Variants in ARL10 observed in about 807,000 individuals in gnomAD.
ARL10 encodes the protein ADP-ribosylation factor-like protein 10.
ARL10 carries 23 observed loss-of-function variants against 26.1 expected under a neutral mutation model. The ratio of observed to expected loss-of-function variants is 0.88; its 90% CI spans 0.63 to 1.25. The LOEUF (loss-of-function observed/expected upper bound fraction) is 1.25. Ranked by LOEUF, ARL10 falls within the 50% of genes most tolerant of loss-of-function variation. ARL10 has a pLI of 0.00. For missense variants in ARL10, 300 were observed against 323.6 expected, an observed-to-expected ratio of 0.93 and a Z score of 0.56; for synonymous variants, 138 against 149.1, an observed-to-expected ratio of 0.93 and a Z score of 0.54.
intron 2 of ARL10, 133 bp downstream of exon 2, chr5:176,366,714 C>T (rs3815898): frequency 0.75 from 823,904 of 1,103,328 alleles, 308,831 homozygotes; most frequent in Middle Eastern, 0.84. Flanking sequence ...CACCGCTCTC[C>T]GGGGCACAGG....
chr5:176,382,777 C>G (rs1755583881), downstream of ARL10, among the ~76,000 whole-genome samples: 1 of 152,168 alleles, frequency 6.6e-6, no homozygotes, highest in Non-Finnish European at 1.5e-5. Flanking sequence ...CTACAAGACA[C>G]ACATGGCCTA....
intron 1 of ARL10, chr5:176,396,428 T>C (rs552862988): frequency 6.8e-7 from 1 of 1,463,454 alleles, no homozygotes; most frequent in African/African-American, 1.4e-5. Context: ...GAAACTGTGG[T>C]GGCCATTCCC....
Position 176,368,650 on chromosome 5 carries a change from C to A in ARL10, c.386-157C>A, listed in dbSNP as rs67175907. Among the ~76,000 whole-genome samples, 16,524 of 147,462 alleles carry A rather than the reference C, an allele frequency of 0.11. 1,092 individuals carry two copies. Among genetic ancestry groups the A allele is most frequent in the Admixed American group, 0.15 (2,220 of 14,628 alleles). On this transcript the variant is annotated intron_variant, in intron 2 of 3. Coordinates refer to ENST00000310389, the MANE Select transcript of ARL10 (RefSeq NM_173664.6). The surrounding 1 kb of genome is among the most constrained non-coding windows in gnomAD (Gnocchi z 4.1). Reference sequence around the variant, plus strand: ...CCCCGGCTGGTGGAAGCTCACTAAGCTAGAAGCAGGGTGGGGTGGGGGCTG... The same window carrying A: ...CCCCGGCTGGTGGAAGCTCACTAAGATAGAAGCAGGGTGGGGTGGGGGCTG...
chr5:176,383,444 GGCCATGCCATGTGTA>G, downstream of ARL10, among the ~76,000 whole-genome samples: 1 of 152,258 alleles, frequency 6.6e-6, no homozygotes, highest in Non-Finnish European at 1.5e-5. Context: ...CCCAAAGGAT[GGCCATGCCATGTGTA>G]GCCCACTGCT....
chr5:176,370,011 C>G (rs1283421919), intron 3 of ARL10, among the ~76,000 whole-genome samples: 1 of 151,700 alleles, frequency 6.6e-6, no homozygotes, highest in Non-Finnish European at 1.5e-5. Flanking sequence ...AAAGCTGTAC[C>G]TTTTCCACTC....
chr5:176,371,935 T>C lies in ARL10; in HGVS notation c.*40T>C, dbSNP rs1239795683. The stretch of plus-strand genomic sequence containing the variant: ...GCTTGCCACCTGCCTGTCAAGACCA[T>C]AGTTGTACTGCTGCTGCTTCATTGC... On this transcript the variant is annotated 3_prime_UTR_variant, in exon 4 of 4. Transcript: ENST00000310389. The C allele has an allele frequency of 1.3e-6, 2 of 1,599,084 alleles. No individual in the cohort carries two copies. Among genetic ancestry groups the C allele is most frequent in the East Asian group, 2.3e-5 (1 of 44,342 alleles).
chr5:176,395,400 C>T (rs961056528), intron 1 of ARL10, among the ~76,000 whole-genome samples: 1 of 152,178 alleles, frequency 6.6e-6, no homozygotes, highest in African/African-American at 2.4e-5. Context: ...TCTTACCAAT[C>T]TGGCACAAGG....
the ARL10 span, among the ~76,000 whole-genome samples, chr5:176,412,471 G>T: frequency 6.6e-6 from 1 of 152,188 alleles, no homozygotes; most frequent in Non-Finnish European, 1.5e-5. Flanking sequence ...AATGGAAGTT[G>T]AATTGTTGTT....
At chr5:176,406,073 G>A (rs1277906427), downstream of ARL10, 1 of 853,054 alleles carries the variant, frequency 1.2e-6, no homozygotes, top group Non-Finnish European at 1.4e-6. Context: ...GGGCTGCTCA[G>A]AACTTATTTT....
rs1755558865 is a variant in ARL10 at position 176,381,830 on chromosome 5, G to A, written c.*9935G>A. The stretch of plus-strand genomic sequence containing the variant: ...TTTTACCTAATGAAGATCTGTCTGA[G>A]TCTAATGAATATATTGTACAATTTT... On this transcript the variant is annotated 3_prime_UTR_variant, in exon 4 of 4. Transcript: ENST00000310389. 1 of 152,248 alleles carries A rather than the reference G, an allele frequency of 6.6e-6. No individual in the cohort carries two copies. The highest frequency in any genetic ancestry group is 2.1e-4 in the South Asian group (1 of 4,832). The allele number at this position is 152,248 out of a possible 1,614,324, so 9.4% of individuals were successfully genotyped here. A position where few individuals can be genotyped will look rare whatever the true frequency, so the allele number is the denominator to read the frequency against.
At chr5:176,389,476 T>C (rs1756173270), downstream of ARL10, 1 of 1,613,788 alleles carries the variant, frequency 6.2e-7, no homozygotes. Flanking sequence ...TGGCTGTCAC[T>C]GCTATGAAGT....
chr5:176,372,958 T>TC lies in ARL10; in HGVS notation c.*1063_*1064insC, dbSNP rs1768590041. 2 of 398,440 alleles carry TC rather than the reference T, an allele frequency of 5.0e-6. No homozygotes were observed. Among genetic ancestry groups the TC allele is most frequent in the African/African-American group, 2.1e-5 (1 of 48,608 alleles). 24.7% of individuals were successfully genotyped at this position (398,440 alleles called of 1,614,324 possible). ...CATACAGATGTCAGTGGAGACAAAG[T>TC]TGTGGGTTCCTCCTCCCACCTGGCT... On this transcript the variant is annotated 3_prime_UTR_variant, in exon 4 of 4. Transcript: ENST00000310389.
downstream of ARL10, chr5:176,393,081 G>T (rs1561789686): frequency 4.2e-6 from 4 of 949,864 alleles, no homozygotes; most frequent in Non-Finnish European, 6.5e-6. The surrounding 1 kb of genome is among the most constrained non-coding windows in gnomAD (Gnocchi z 4.4). Flanking sequence ...CTTCAGAGGA[G>T]GGCAGCCTTG....
Position 176,379,348 on chromosome 5 carries a change from A to T in ARL10, c.*7453A>T, listed in dbSNP as rs1755495688. ...CACGCCCAGCTTATTTTTTGTATTT[A>T]GTAGAGATGGGGTTTCACCGTGTTC... is the stretch of plus-strand genomic sequence containing the variant. On this transcript the variant is annotated 3_prime_UTR_variant, in exon 4 of 4. Coordinates refer to ENST00000310389, the MANE Select transcript of ARL10 (RefSeq NM_173664.6). The T allele has an allele frequency of 6.7e-6, 1 of 150,334 alleles. No individual in the cohort carries two copies. Among genetic ancestry groups the T allele is most frequent in the Non-Finnish European group, 1.5e-5 (1 of 67,536 alleles). 9.3% of individuals were successfully genotyped at this position (150,334 alleles called of 1,614,324 possible).
chr5:176,403,444 GT>G (rs1413762321), downstream of ARL10, among the ~76,000 whole-genome samples: 2 of 147,832 alleles, frequency 1.4e-5, no homozygotes, highest in Non-Finnish European at 3.0e-5. Flanking sequence ...GTTTTTTGGT[GT>G]TTTTTTGTTT....
At chr5:176,383,859 G>A (rs767261603), downstream of ARL10, 149 of 929,212 alleles carry the variant, frequency 1.6e-4, no homozygotes, top group Non-Finnish European at 2.0e-4. Flanking sequence ...CAGGCGGGAT[G>A]GCCTCTCAGC....
intron 1 of ARL10, chr5:176,386,955 GAA>G: frequency 6.6e-7 from 1 of 1,521,318 alleles, no homozygotes; most frequent in South Asian, 1.1e-5. Flanking sequence ...TTTGATGAGG[GAA>G]AGTTATAGAC....
At position 176,373,186 on chromosome 5, in the gene ARL10, C is replaced by T. The variant is rs1768599855; in HGVS notation, c.*1291C>T. The T allele has an allele frequency of 2.5e-6, 1 of 396,860 alleles. No homozygotes were observed. The highest frequency in any genetic ancestry group is 3.6e-5 in the East Asian group (1 of 28,034). 24.6% of individuals were successfully genotyped at this position (396,860 alleles called of 1,614,324 possible). On this transcript the variant is annotated 3_prime_UTR_variant, in exon 4 of 4. Coordinates refer to ENST00000310389, the MANE Select transcript of ARL10 (RefSeq NM_173664.6). ...TGATCCTAAGGACAGGAATAGCAGA[C>T]CAGCCAACGGGATGGCCTTGGGTAC...
Position 176,371,929 on chromosome 5 carries a change from A to C in ARL10, c.*34A>C. ...TCTCCTGCTTGCCACCTGCCTGTCA[A>C]GACCATAGTTGTACTGCTGCTGCTT... On this transcript the variant is annotated 3_prime_UTR_variant, in exon 4 of 4. Transcript: ENST00000310389. 1 of 1,606,784 alleles carries C rather than the reference A, an allele frequency of 6.2e-7. No individual in the cohort carries two copies. The highest frequency in any genetic ancestry group is 8.5e-7 in the Non-Finnish European group (1 of 1,176,052).
Sources: allele counts gnomAD v4.1 joint callset (sites outside exome capture counted in the v4.1 genomes callset), GRCh38; gene constraint gnomAD v4.1.1; non-coding constraint Gnocchi (gnomAD v3.1); transcripts MANE v1.5; gene names NCBI Gene and HGNC (gene_info 2026-07-23, HGNC 2026-07-21).